RHCE: variants seen among roughly 807,000 people sequenced by gnomAD.
The protein encoded by RHCE is blood group Rh(CE) polypeptide.
Under a neutral mutation model 43.8 loss-of-function variants are expected in RHCE, and 22 were observed. The observed-to-expected ratio is 0.50, with a 90% CI of 0.36 to 0.72. The LOEUF is 0.72. RHCE is among the 30% of genes least tolerant of loss of function. The pLI, the probability that RHCE is intolerant of heterozygous loss-of-function variation, is 0.00. For missense variants in RHCE, 385 were observed against 525.4 expected, an observed-to-expected ratio of 0.73 and a Z score of 2.61; for synonymous variants, 156 against 210.7, an observed-to-expected ratio of 0.74 and a Z score of 2.25.
intron 7 of RHCE, among the ~76,000 whole-genome samples, chr1:25,385,135 C>A (rs1345051454): frequency 6.6e-6 from 1 of 152,214 alleles, no homozygotes; most frequent in Non-Finnish European, 1.5e-5. Flanking sequence ...GCCACAGGAC[C>A]TACCTCTGGT....
At chr1:25,415,379 A>G (rs957412543) in intron 1 of RHCE, among the ~76,000 whole-genome samples, 15 of 152,276 alleles carry the variant, frequency 9.9e-5, no homozygotes, top group East Asian at 1.9e-4. Flanking sequence ...TGGGCCAGGC[A>G]TGGTGGCTCA....
At chr1:25,395,719 T>C (rs937979643) in intron 3 of RHCE, among the ~76,000 whole-genome samples, 1 of 152,182 alleles carries the variant, frequency 6.6e-6, no homozygotes, top group African/African-American at 2.4e-5. Context: ...CAGGAGTCCA[T>C]GGTAATATAA....
chr1:25,385,409 A>C, intron 7 of RHCE: 2 of 443,078 alleles, frequency 4.5e-6, no homozygotes, highest in South Asian at 3.9e-5. Flanking sequence ...CCTGAACCAC[A>C]GTCTCAATTG....
At chr1:25,397,402 C>T (rs1230189048) in intron 3 of RHCE, among the ~76,000 whole-genome samples, 1 of 150,850 alleles carries the variant, frequency 6.6e-6, no homozygotes, top group Non-Finnish European at 1.5e-5. Context: ...GAAGCTGAGA[C>T]AGGAGAATCA....
chr1:25,416,778 G>C (rs984619601), intron 1 of RHCE, among the ~76,000 whole-genome samples: 2 of 148,156 alleles, frequency 1.3e-5, no homozygotes, highest in Admixed American at 1.3e-4. Flanking sequence ...CACCACACTG[G>C]GTTAAATTTT....
At position 25,385,649 on chromosome 1, in the gene RHCE, C is replaced by A. The variant is rs1445955809; in HGVS notation, c.1073+62G>T. 3.7e-6 allele frequency: 6 copies of A among 1,612,954 alleles called. No individual in the cohort carries two copies. The East Asian group carries it at 1.1e-4, about 30-fold the overall frequency. On this transcript the variant is annotated intron_variant, in intron 7 of 9. Transcript: ENST00000294413. ...ACACGCCCCAGCTAAGGACTCTGCACACATTTCTTCCTGAGTTGGAGGGGA... is the reference window on the plus strand; with the variant it reads ...ACACGCCCCAGCTAAGGACTCTGCAAACATTTCTTCCTGAGTTGGAGGGGA...
At chr1:25,401,130 A>G (rs947058879) in intron 3 of RHCE, among the ~76,000 whole-genome samples, 4 of 152,196 alleles carry the variant, frequency 2.6e-5, no homozygotes, top group African/African-American at 9.6e-5. Flanking sequence ...TATTTCTCAG[A>G]GTAAATCCAA....
chr1:25,396,959 C>T (rs1646561425), intron 3 of RHCE, among the ~76,000 whole-genome samples: 2 of 149,222 alleles, frequency 1.3e-5, no homozygotes, highest in African/African-American at 2.5e-5. Context: ...ACTAAAAATA[C>T]AAAAATTAAC....
At chr1:25,417,279 G>A (rs1647612968) in intron 1 of RHCE, among the ~76,000 whole-genome samples, 1 of 151,978 alleles carries the variant, frequency 6.6e-6, no homozygotes, top group African/African-American at 2.4e-5. Context: ...TGGCAGGTTT[G>A]AATAATCTAT....
intron 7 of RHCE, among the ~76,000 whole-genome samples, chr1:25,381,473 T>G (rs1646000105): frequency 6.6e-6 from 1 of 150,600 alleles, no homozygotes; most frequent in Non-Finnish European, 1.5e-5. Context: ...TTTTTTTTTT[T>G]GAGTTGGAGT....
chr1:25,408,671 C>G lies in RHCE; in HGVS notation c.335+12G>C, dbSNP rs1172666393. 1 of 1,279,676 alleles carries G rather than the reference C, an allele frequency of 7.8e-7. No individual in the cohort carries two copies. The highest frequency in any genetic ancestry group is 1.4e-5 in the African/African-American group (1 of 72,682). The allele number at this position is 1,279,676 out of a possible 1,614,324, so 79.3% of individuals were successfully genotyped here. A position where few individuals can be genotyped will look rare whatever the true frequency, so the allele number is the denominator to read the frequency against. On this transcript the variant is annotated intron_variant, in intron 2 of 9. Transcript: ENST00000294413. ...CTATGACCCAGAAGTGATCCAGCCA[C>G]CATCCCAATACCTGAACAGTGTGAT... is the stretch of plus-strand genomic sequence containing the variant.
intron 3 of RHCE, among the ~76,000 whole-genome samples, chr1:25,396,599 A>G (rs1168375007): frequency 6.6e-6 from 1 of 152,158 alleles, no homozygotes; most frequent in Non-Finnish European, 1.5e-5. Flanking sequence ...AGCAAGGCAC[A>G]TCTTACGTGG....
At chr1:25,429,226 T>G (rs1160642409) in intron 1 of RHCE, among the ~76,000 whole-genome samples, 2 of 145,614 alleles carry the variant, frequency 1.4e-5, no homozygotes, top group African/African-American at 5.4e-5. Context: ...GGGAAGTTTT[T>G]TTTTTTTTTT....
chr1:25,380,899 CTTTTTTTT>C (rs898980956), intron 7 of RHCE, among the ~76,000 whole-genome samples: 1 of 128,942 alleles, frequency 7.8e-6, no homozygotes, highest in Non-Finnish European at 1.6e-5. Context: ...TTCTTTCTTC[CTTTTTTTT>C]TTTTTTTTTT....
intron 4 of RHCE, among the ~76,000 whole-genome samples, chr1:25,391,498 T>TA (rs200255985): frequency 6.9e-6 from 1 of 144,818 alleles, no homozygotes; most frequent in African/African-American, 2.6e-5. Flanking sequence ...AAACGCTTAT[T>TA]TTTTTTTTTT....
At chr1:25,389,311 T>G (rs1646284035) in intron 5 of RHCE, among the ~76,000 whole-genome samples, 198 bp from the exon 6 acceptor site, 1 of 152,048 alleles carries the variant, frequency 6.6e-6, no homozygotes. Context: ...CTACTGCCTC[T>G]TAGGCTCAGG....
Position 25,408,784 on chromosome 1 carries a change from G to A in RHCE, c.234C>T (p.Ala78=), listed in dbSNP as rs765345356. 1.7e-5 allele frequency: 22 copies of A among 1,282,882 alleles called. 7 individuals carry two copies. Among genetic ancestry groups the A allele is most frequent in the Non-Finnish European group, 2.0e-5 (19 of 962,804 alleles). The allele number at this position is 1,282,882 out of a possible 1,614,324, so 79.5% of individuals were successfully genotyped here. A position where few individuals can be genotyped will look rare whatever the true frequency, so the allele number is the denominator to read the frequency against. Reference sequence around the variant, plus strand: ...CAAGCGCCAGCATGAAGAGGTTGAAGGCCACACTGCTCCAGCTGTGTCTCC... The same window carrying A: ...CAAGCGCCAGCATGAAGAGGTTGAAAGCCACACTGCTCCAGCTGTGTCTCC... The part of the protein sequence containing the change: ...NFRRHSWSSV[A]FNLFMLALGV... The change falls in exon 2 of 10, where the codon GCC becomes GCT. Residue 78 remains alanine (A), a synonymous_variant. Coordinates refer to ENST00000294413, the MANE Select transcript of RHCE (RefSeq NM_020485.8).
chr1:25,386,450 C>G (rs1004796910), intron 6 of RHCE, among the ~76,000 whole-genome samples: 5 of 152,238 alleles, frequency 3.3e-5, no homozygotes, highest in African/African-American at 1.2e-4. Context: ...CCCACACAGC[C>G]ATGAGCCAGC....
chr1:25,370,508 G>A lies in RHCE; in HGVS notation c.1186C>T (p.Pro396Ser). 6.2e-7 allele frequency: 1 copy of A among 1,612,612 alleles called. No individual in the cohort carries two copies. The highest frequency in any genetic ancestry group is 1.1e-5 in the South Asian group (1 of 91,058). The change falls in exon 9 of 10, where the codon CCT (proline) becomes TCT (serine). Residue 396 changes from proline (P) to serine (S), a missense_variant. Pro to Ser is a moderately conservative substitution (Grantham distance 74). Coordinates refer to ENST00000294413, the MANE Select transcript of RHCE (RefSeq NM_020485.8). ...LLLNLKIWKA[P>S]HVAKYFDDQV... ...TCATCAAAATATTTAGCCACATGAG[G>A]TGCTTTCCATATTTTGAGATTTAGG...
Sources: gnomAD v4.1 joint callset for allele counts (sites outside exome capture counted in the v4.1 genomes callset) on GRCh38, gnomAD v4.1.1 for gene constraint, MANE v1.5 for transcripts, NCBI Gene and HGNC (gene_info 2026-07-23, HGNC 2026-07-21) for gene names.